Variants in STK33 observed in about 807,000 individuals in gnomAD.
STK33 encodes serine/threonine-protein kinase 33.
A neutral mutation model predicts 58.0 loss-of-function variants in STK33; 52 were observed. The observed-to-expected ratio is 0.90, with a 90% CI of 0.72 to 1.13. STK33 has a LOEUF of 1.13. STK33 is among the 50% of genes most tolerant of loss of function. The probability of loss-of-function intolerance (pLI) is 0.00; values close to 1 mark genes in which losing one functional copy is unlikely to be tolerated. For synonymous variants in STK33, 215 were observed against 200.1 expected, an observed-to-expected ratio of 1.07 and a Z score of -0.63; for missense variants, 630 against 604.2, an observed-to-expected ratio of 1.04 and a Z score of -0.45.
At chr11:8,369,697 T>C in the STK33 span, among the ~76,000 whole-genome samples, 2 of 152,166 alleles carry the variant, frequency 1.3e-5, no homozygotes, top group African/African-American at 4.8e-5. Flanking sequence ...CTCTTCCTGC[T>C]GACCCCAGTT....
chr11:8,340,801 G>A, the STK33 span, among the ~76,000 whole-genome samples: 4 of 152,154 alleles, frequency 2.6e-5, no homozygotes, highest in African/African-American at 4.8e-5. Context: ...AAACAGGCTC[G>A]CAGAGCTGGG....
chr11:8,367,132 A>T, the STK33 span, among the ~76,000 whole-genome samples: 1 of 152,254 alleles, frequency 6.6e-6, no homozygotes, highest in Non-Finnish European at 1.5e-5. Context: ...ATATGTGTGA[A>T]CAAAGTACTA....
At chr11:8,440,645 C>T in intron 12 of STK33, 33 bp downstream of exon 12, 1 of 1,517,660 alleles carries the variant, frequency 6.6e-7, no homozygotes, top group Non-Finnish European at 8.9e-7. Context: ...ACTATCCACT[C>T]ATCTTAAAGT....
intron 1 of STK33, among the ~76,000 whole-genome samples, chr11:8,574,931 G>C (rs1317031366): frequency 6.6e-6 from 1 of 151,770 alleles, no homozygotes; most frequent in Non-Finnish European, 1.5e-5. Context: ...TGTAGTCCCA[G>C]CTACAAAGGA....
chr11:8,544,936 A>T (rs1306214661), intron 1 of STK33, among the ~76,000 whole-genome samples: 1 of 152,214 alleles, frequency 6.6e-6, no homozygotes, highest in African/African-American at 2.4e-5. Flanking sequence ...TCCAATAAGA[A>T]ATATTCTAAA....
At chr11:8,557,695 A>G (rs1956861165) in intron 1 of STK33, among the ~76,000 whole-genome samples, 1 of 152,184 alleles carries the variant, frequency 6.6e-6, no homozygotes, top group South Asian at 2.1e-4. Flanking sequence ...AAGGAACTTC[A>G]GCATTCAATG....
intron 1 of STK33, among the ~76,000 whole-genome samples, chr11:8,572,851 T>C (rs1471048682): frequency 1.3e-5 from 2 of 151,884 alleles, no homozygotes; most frequent in African/African-American, 4.8e-5. Flanking sequence ...AGTAAAGGCA[T>C]AGTAATAGGA....
chr11:8,426,362 G>A (rs889175757), intron 14 of STK33, among the ~76,000 whole-genome samples: 1 of 152,224 alleles, frequency 6.6e-6, no homozygotes, highest in Non-Finnish European at 1.5e-5. Flanking sequence ...TTGTGCGTCT[G>A]CCTGCTAGGG....
intron 1 of STK33, among the ~76,000 whole-genome samples, chr11:8,551,457 C>T (rs1956294702): frequency 6.6e-6 from 1 of 152,096 alleles, no homozygotes; most frequent in African/African-American, 2.4e-5. Context: ...TCAGACATTT[C>T]ATAGATCTTC....
chr11:8,549,773 G>C (rs1338401338), intron 1 of STK33, among the ~76,000 whole-genome samples: 1 of 152,182 alleles, frequency 6.6e-6, no homozygotes, highest in East Asian at 1.9e-4. Flanking sequence ...GCATATAGTT[G>C]TTCATGAGAT....
At position 8,428,203 on chromosome 11, in the gene STK33, C is replaced by T. The variant is rs538710560; in HGVS notation, c.1146+7291G>A. The stretch of plus-strand genomic sequence containing the variant: ...AGGCCAAGAGGTAAGAAGTCAATGC[C>T]TACAACGAGTTAATTCCCACACATT... On this transcript the variant is annotated intron_variant, in intron 14 of 15. Coordinates refer to ENST00000687296, the MANE Select transcript of STK33 (RefSeq NM_001352389.2). Among the ~76,000 whole-genome samples the T allele has an allele frequency of 2.7e-3, 408 of 152,330 alleles. 1 individual carries two copies. Among genetic ancestry groups the T allele is most frequent in the Middle Eastern group, 6.8e-3 (2 of 294 alleles).
chr11:8,407,395 T>A (rs745752061), intron 15 of STK33, among the ~76,000 whole-genome samples: 80 of 152,078 alleles, frequency 5.3e-4, no homozygotes, highest in Non-Finnish European at 1.1e-3. Context: ...TCTCAAGAGT[T>A]GGTGTATAAG....
intron 13 of STK33, 70 bp from the exon 14 acceptor site, chr11:8,435,649 T>C: frequency 1.1e-6 from 1 of 903,210 alleles, no homozygotes; most frequent in Non-Finnish European, 1.6e-6. Flanking sequence ...TTACAATTTT[T>C]TAGGATTAGG....
At chr11:8,479,308 C>G (rs546614605) in intron 2 of STK33, among the ~76,000 whole-genome samples, 43 of 152,006 alleles carry the variant, frequency 2.8e-4, no homozygotes, top group African/African-American at 9.7e-4. Flanking sequence ...TGGCATGCAC[C>G]TGTAATCCCG....
intron 11 of STK33, among the ~76,000 whole-genome samples, chr11:8,448,384 A>G (rs1945799802): frequency 6.6e-6 from 1 of 152,182 alleles, no homozygotes; most frequent in South Asian, 2.1e-4. Flanking sequence ...TTCAAACTAT[A>G]CTACAAGGCT....
At chr11:8,506,292 G>A (rs1198673808) in intron 1 of STK33, among the ~76,000 whole-genome samples, 2 of 152,154 alleles carry the variant, frequency 1.3e-5, no homozygotes, top group African/African-American at 4.8e-5. Flanking sequence ...CTTTGAGGAG[G>A]TGGAAGGAAA....
At chr11:8,496,526 T>C (rs1280931046) in intron 1 of STK33, among the ~76,000 whole-genome samples, 23 of 152,154 alleles carry the variant, frequency 1.5e-4, no homozygotes, top group Admixed American at 1.5e-3. Context: ...GCCTCTAGGA[T>C]TGGACAATCA....
chr11:8,375,671 C>T, the STK33 span, among the ~76,000 whole-genome samples: 51 of 152,180 alleles, frequency 3.4e-4, no homozygotes, highest in African/African-American at 1.2e-3. Context: ...GGGGTGGTTT[C>T]CCCCATGCTG....
the STK33 span, among the ~76,000 whole-genome samples, chr11:8,384,675 T>A: frequency 1.3e-5 from 2 of 152,174 alleles, no homozygotes; most frequent in Non-Finnish European, 2.9e-5. Context: ...ACGTATGCTG[T>A]CCTCCCTGTC....
Sources: allele counts gnomAD v4.1 joint callset (sites outside exome capture counted in the v4.1 genomes callset), GRCh38; gene constraint gnomAD v4.1.1; transcripts MANE v1.5; gene names NCBI Gene and HGNC (gene_info 2026-07-23, HGNC 2026-07-21).